PCLO: variants seen among roughly 807,000 people sequenced by gnomAD.
PCLO encodes protein piccolo.
Under a neutral mutation model 427.5 loss-of-function variants are expected in PCLO, and 82 were observed. That is an observed-to-expected ratio of 0.19 (90% confidence interval 0.16 to 0.23). PCLO has a LOEUF of 0.23. PCLO is among the 10% of genes least tolerant of loss of function. PCLO has a pLI of 1.00. For synonymous variants in PCLO, 2,357 were observed against 2,155.4 expected, an observed-to-expected ratio of 1.09 and a Z score of -2.59; for missense variants, 6,239 against 6,115.9, an observed-to-expected ratio of 1.02 and a Z score of -0.67.
Position 83,042,055 on chromosome 7 carries a change from A to C in PCLO, c.3301-75568T>G, listed in dbSNP as rs557341000. Reference sequence around the variant, plus strand: ...GTTATATTCTGTGGTGCTATAGCTGAACTTGAATTGCTATGGGAGTTGATT... The same window carrying C: ...GTTATATTCTGTGGTGCTATAGCTGCACTTGAATTGCTATGGGAGTTGATT... On this transcript the variant is annotated intron_variant, in intron 3 of 24. Transcript: ENST00000333891. 3.3e-5 allele frequency among the ~76,000 whole-genome samples: 5 copies of C among 152,234 alleles called. No homozygotes were observed. The East Asian group carries it at 9.7e-4, about 29-fold the overall frequency.
intron 22 of PCLO, among the ~76,000 whole-genome samples, chr7:82,783,634 C>A (rs55649307): frequency 0.35 from 53,471 of 151,178 alleles, 9,937 homozygotes; most frequent in African/African-American, 0.44. Context: ...AACCAACCAA[C>A]CAAACAAAAA....
intron 6 of PCLO, among the ~76,000 whole-genome samples, chr7:82,924,250 T>C (rs1481429374): frequency 6.6e-6 from 1 of 152,038 alleles, no homozygotes; most frequent in Non-Finnish European, 1.5e-5. Context: ...GTTATGGTAA[T>C]GACAGGAGAA....
chr7:82,925,661 C>G (rs991278626), intron 6 of PCLO, among the ~76,000 whole-genome samples: 1 of 146,458 alleles, frequency 6.8e-6, no homozygotes, highest in East Asian at 2.0e-4. Context: ...CTCTTTGGCT[C>G]TTTGGAGATA....
At chr7:82,975,494 T>G (rs938015102) in intron 3 of PCLO, among the ~76,000 whole-genome samples, 1 of 152,182 alleles carries the variant, frequency 6.6e-6, no homozygotes, top group Non-Finnish European at 1.5e-5. Context: ...GAATGGATAC[T>G]GGTGGTGGGA....
rs1401900216 is a variant in PCLO at position 83,155,245 on chromosome 7, G to C, written c.1396C>G (p.Pro466Ala). Reference sequence around the variant, plus strand: ...GGCAGTTGTGAAGGAGGCTTTGTTGGGCCAGTCTGCTGGGCAGAAGTCTTT... The same window carrying C: ...GGCAGTTGTGAAGGAGGCTTTGTTGCGCCAGTCTGCTGGGCAGAAGTCTTT... ...PGKTSAQQTG[P>A]TKPPSQLPGP... The change falls in exon 2 of 25, where the codon CCA (proline) becomes GCA (alanine). Residue 466 changes from proline to alanine, a missense_variant. By Grantham distance (27) the Pro-to-Ala change is conservative. Coordinates refer to ENST00000333891, the MANE Select transcript of PCLO (RefSeq NM_033026.6). 1 of 1,613,812 alleles carries C rather than the reference G, an allele frequency of 6.2e-7. No homozygotes were observed. The highest frequency in any genetic ancestry group is 8.5e-7 in the Non-Finnish European group (1 of 1,179,854).
At chr7:82,911,749 A>G (rs1444866125) in intron 7 of PCLO, among the ~76,000 whole-genome samples, 3 of 151,982 alleles carry the variant, frequency 2.0e-5, no homozygotes, top group Admixed American at 1.3e-4. Flanking sequence ...CAGGCTCCCA[A>G]GTAGCTGGGA....
chr7:82,927,741 T>G (rs1794745911), intron 6 of PCLO, among the ~76,000 whole-genome samples: 1 of 152,176 alleles, frequency 6.6e-6, no homozygotes, highest in Non-Finnish European at 1.5e-5. Context: ...TACACATCAA[T>G]TAATATTTGT....
Position 83,038,015 on chromosome 7 carries a change from A to ATATT in PCLO, c.3301-71529_3301-71528insAATA, listed in dbSNP as rs1554382346. ...TATATATATATATATATATATATATATATATATATATATATTTATATATTT... is the reference window on the plus strand; with the variant it reads ...TATATATATATATATATATATATATATATTTATATATATATATATTTATATATTT... On this transcript the variant is annotated intron_variant, in intron 3 of 24. Transcript: ENST00000333891. Among the ~76,000 whole-genome samples, 47 of 47,884 alleles carry ATATT rather than the reference A, an allele frequency of 9.8e-4. 1 individual carries two copies. The highest frequency in any genetic ancestry group is 6.0e-3 in the African/African-American group (41 of 6,826). 31.4% of individuals were successfully genotyped at this position (47,884 alleles called of 152,430 possible).
chr7:83,114,328 G>A (rs906868343), intron 3 of PCLO, among the ~76,000 whole-genome samples: 1 of 151,966 alleles, frequency 6.6e-6, no homozygotes, highest in African/African-American at 2.4e-5. Flanking sequence ...CATGATGTGG[G>A]GTCAAGAGAA....
chr7:82,953,039 G>A lies in PCLO; in HGVS notation c.7914C>T (p.Thr2638=), dbSNP rs2116437553. 4 of 1,613,918 alleles carry A rather than the reference G, an allele frequency of 2.5e-6. No individual in the cohort carries two copies. The highest frequency in any genetic ancestry group is 3.4e-6 in the Non-Finnish European group (4 of 1,179,880). The change falls in exon 5 of 25, where the codon ACC becomes ACT. Residue 2638 remains threonine, a synonymous_variant. Transcript: ENST00000333891. The part of the protein sequence containing the change: ...AVEIPISSEQ[T]FYISGALQTF... ...TCTGTAAAGCTCCAGAGATGTAGAA[G>A]GTCTGTTCTGAAGAAATTGGAATTT...
chr7:82,896,183 A>C (rs1259562330), intron 9 of PCLO, among the ~76,000 whole-genome samples: 1 of 151,866 alleles, frequency 6.6e-6, no homozygotes, highest in Non-Finnish European at 1.5e-5. Flanking sequence ...TAGTAAACTA[A>C]CCAATAAAAA....
chr7:83,107,057 T>C (rs1790875681), intron 3 of PCLO, among the ~76,000 whole-genome samples: 1 of 152,170 alleles, frequency 6.6e-6, no homozygotes, highest in African/African-American at 2.4e-5. Context: ...TCAGATTCTT[T>C]TTTTATTTTT....
At chr7:82,816,566 A>G (rs1425862729) in intron 20 of PCLO, among the ~76,000 whole-genome samples, 1 of 152,186 alleles carries the variant, frequency 6.6e-6, no homozygotes, top group Non-Finnish European at 1.5e-5. Flanking sequence ...ATTATTTTTA[A>G]AGACATGTCA....
chr7:83,153,405 C>A (rs1005693557), intron 2 of PCLO, among the ~76,000 whole-genome samples: 1 of 151,912 alleles, frequency 6.6e-6, no homozygotes, highest in Non-Finnish European at 1.5e-5. Context: ...CAAGAGTTGA[C>A]ATATTTTAAA....
At chr7:83,045,500 G>T (rs1356985723) in intron 3 of PCLO, among the ~76,000 whole-genome samples, 1 of 151,846 alleles carries the variant, frequency 6.6e-6, no homozygotes, top group Admixed American at 6.6e-5. Flanking sequence ...TCAGATATTT[G>T]CATATATGCA....
At chr7:82,788,707 G>A (rs1791036156) in intron 22 of PCLO, among the ~76,000 whole-genome samples, 1 of 151,836 alleles carries the variant, frequency 6.6e-6, no homozygotes, top group African/African-American at 2.4e-5. Context: ...GAGATTTTCT[G>A]CCTTTACTGA....
At chr7:82,973,238 A>T (rs922013278) in intron 3 of PCLO, among the ~76,000 whole-genome samples, 1 of 152,098 alleles carries the variant, frequency 6.6e-6, no homozygotes, top group Admixed American at 6.6e-5. Context: ...CCCTTCAAAA[A>T]ATAAATGAAA....
intron 3 of PCLO, among the ~76,000 whole-genome samples, chr7:83,090,066 A>G (rs922504444): frequency 1.3e-5 from 2 of 152,152 alleles, no homozygotes; most frequent in African/African-American, 4.8e-5. Flanking sequence ...GCACTTTGGG[A>G]GGCCGAGGTG....
chr7:83,159,068 T>C (rs1792371674), intron 1 of PCLO, among the ~76,000 whole-genome samples: 1 of 152,090 alleles, frequency 6.6e-6, no homozygotes, highest in Admixed American at 6.5e-5. Flanking sequence ...CTTTGCATCA[T>C]TAGAACCAAG....
Sources: allele counts gnomAD v4.1 joint callset (sites outside exome capture counted in the v4.1 genomes callset), GRCh38; gene constraint gnomAD v4.1.1; transcripts MANE v1.5; gene names NCBI Gene and HGNC (gene_info 2026-07-23, HGNC 2026-07-21).